The following TPTE variants were observed in gnomAD, a reference collection of about 807,000 sequenced individuals.
The protein encoded by TPTE is putative tyrosine-protein phosphatase TPTE.
In TPTE, 59 loss-of-function variants were observed where a neutral mutation model predicts 84.1. That is an observed-to-expected ratio of 0.70 (90% CI 0.57 to 0.87). The LOEUF (loss-of-function observed/expected upper bound fraction) is 0.87, where lower values mean the gene tolerates loss of function less well. Among genes scored for constraint, TPTE ranks in the 40% least tolerant of loss-of-function variants. The pLI, the probability that TPTE is intolerant of heterozygous loss-of-function variation, is 0.00. For synonymous variants in TPTE, 130 were observed against 223.5 expected (o/e 0.58, Z 3.73); for missense variants, 382 against 659.6 (o/e 0.58, Z 4.61).
intron 4 of TPTE, chr21:10,540,729 A>G (rs1423259014): frequency 5.8e-6 from 3 of 519,746 alleles, no homozygotes; most frequent in African/African-American, 3.8e-5. Context: ...AGGAGAGACA[A>G]CTAGGATGGG....
At chr21:10,597,925 T>C in intron 20 of TPTE, 90 bp from the exon 21 acceptor site, 1 of 1,502,676 alleles carries the variant, frequency 6.7e-7, no homozygotes, top group East Asian at 2.3e-5. Flanking sequence ...GGATAATTTT[T>C]TCTCATTTTA....
chr21:10,564,527 AAAC>A (rs1184053096), intron 10 of TPTE, among the ~76,000 whole-genome samples: 3 of 152,266 alleles, frequency 2.0e-5, no homozygotes, highest in African/African-American at 7.2e-5. Flanking sequence ...ATAAAAATAA[AAAC>A]AAACCCAAAA....
At chr21:10,533,278 T>C (rs1385230859) in intron 3 of TPTE, among the ~76,000 whole-genome samples, 4 of 152,310 alleles carry the variant, frequency 2.6e-5, no homozygotes, top group Non-Finnish European at 5.9e-5. Flanking sequence ...CTTTTACAGT[T>C]AAGGCTTTCT....
chr21:10,533,685 C>A (rs1371315093), intron 3 of TPTE, among the ~76,000 whole-genome samples: 3 of 152,306 alleles, frequency 2.0e-5, no homozygotes, highest in Non-Finnish European at 4.4e-5. Flanking sequence ...AGGACGTAAG[C>A]TGTGTCATTG....
Position 10,605,648 on chromosome 21 carries a change from A to C in TPTE, c.*96A>C. ...TAAATCTATCCTAAATGTTCCTTGA[A>C]GTATTTATTTATGTTTATATATGTT... On this transcript the variant is annotated 3_prime_UTR_variant, in exon 24 of 24. Coordinates refer to ENST00000618007, the MANE Select transcript of TPTE (RefSeq NM_199261.4). The C allele has an allele frequency of 2.5e-6, 4 of 1,577,132 alleles. No homozygotes were observed. The Admixed American group carries it at 5.7e-5, about 23-fold the overall frequency.
chr21:10,593,673 A>G (rs941080514), intron 19 of TPTE, among the ~76,000 whole-genome samples: 5 of 152,310 alleles, frequency 3.3e-5, no homozygotes, highest in Non-Finnish European at 5.9e-5. Flanking sequence ...AGGTTTAGAG[A>G]AAGTAACCTT....
At chr21:10,547,689 C>G (rs1434939318) in intron 7 of TPTE, among the ~76,000 whole-genome samples, 2 of 152,308 alleles carry the variant, frequency 1.3e-5, no homozygotes, top group African/African-American at 4.8e-5. Context: ...GCCACTGTGC[C>G]TCTCCAGCAC....
intron 1 of TPTE, 26 bp from the exon 2 acceptor site, chr21:10,524,554 A>G (rs1389464586): frequency 6.6e-6 from 1 of 152,466 alleles, no homozygotes; most frequent in African/African-American, 2.4e-5. Flanking sequence ...TGCTAACAGG[A>G]TCTTGATTAA....
In TPTE at chr21:10,560,904, G is replaced by A. The variant is rs1472710866; in HGVS notation, c.285-126G>A. On this transcript the variant is annotated intron_variant, in intron 9 of 23. Coordinates refer to ENST00000618007, the MANE Select transcript of TPTE (RefSeq NM_199261.4). ...GGCATTACAGTTTTTCCTGCCACTG[G>A]GCAGCTTAATACTAAATAATAACAT... The A allele has an allele frequency of 1.1e-5, 13 of 1,194,880 alleles. No homozygotes were observed. In the East Asian group the frequency reaches 2.7e-4, roughly 25 times the overall value. The allele number at this position is 1,194,880 out of a possible 1,614,324, so 74.0% of individuals were successfully genotyped here. A position where few individuals can be genotyped will look rare whatever the true frequency, so the allele number is the denominator to read the frequency against.
intron 14 of TPTE, among the ~76,000 whole-genome samples, chr21:10,573,862 A>G (rs1291287045): frequency 6.6e-6 from 1 of 152,312 alleles, no homozygotes; most frequent in Non-Finnish European, 1.5e-5. Flanking sequence ...GAGTCCGAGG[A>G]GCGGCAACAA....
rs1173422328 is a variant in TPTE at position 10,562,711 on chromosome 21, T to C, written c.446+1520T>C. On this transcript the variant is annotated intron_variant, in intron 10 of 23. Coordinates refer to ENST00000618007, the MANE Select transcript of TPTE (RefSeq NM_199261.4). ...AGCTTGAAGACAGGCTATTTCAAAA[T>C]ACATAGAGGAGACAAAGGAAAGAAT... Among the ~76,000 whole-genome samples, 5 of 152,414 alleles carry C rather than the reference T, an allele frequency of 3.3e-5. No homozygotes were observed. The East Asian group carries it at 9.6e-4, about 29-fold the overall frequency.
intron 17 of TPTE, among the ~76,000 whole-genome samples, chr21:10,580,105 A>G (rs2075244625): frequency 6.6e-6 from 1 of 152,312 alleles, no homozygotes; most frequent in Non-Finnish European, 1.5e-5. Flanking sequence ...CTGATGATTA[A>G]TGATGTTTAG....
At chr21:10,601,199 C>T (rs1041590381) in intron 21 of TPTE, among the ~76,000 whole-genome samples, 54 of 152,318 alleles carry the variant, frequency 3.5e-4, no homozygotes, top group South Asian at 1.2e-3. Flanking sequence ...TTTAAAAGTG[C>T]GGCACTTTTG....
intron 7 of TPTE, among the ~76,000 whole-genome samples, chr21:10,552,178 C>T (rs1477911286): frequency 6.6e-4 from 100 of 152,394 alleles, no homozygotes; most frequent in African/African-American, 2.3e-3. Flanking sequence ...ATAAGTTTTT[C>T]GAACATAATG....
At chr21:10,563,499 TAAA>T (rs1159882509) in intron 10 of TPTE, among the ~76,000 whole-genome samples, 37 of 152,410 alleles carry the variant, frequency 2.4e-4, no homozygotes, top group African/African-American at 8.7e-4. Context: ...AACAAAAAGT[TAAA>T]AAATAGGGAG....
chr21:10,603,503 T>C lies in TPTE; in HGVS notation c.1450-59T>C, dbSNP rs534832238. 55 of 1,502,280 alleles carry C rather than the reference T, an allele frequency of 3.7e-5. No individual in the cohort carries two copies. The East Asian group carries it at 1.0e-3, about 27-fold the overall frequency. The allele number at this position is 1,502,280 out of a possible 1,614,324, so 93.1% of individuals were successfully genotyped here. ...AAGAATAAAGAAAGGAACTTCAATTTCTTTGGAATGATTAGTTCTTGGTAT... is the reference window on the plus strand; with the variant it reads ...AAGAATAAAGAAAGGAACTTCAATTCCTTTGGAATGATTAGTTCTTGGTAT... On this transcript the variant is annotated intron_variant, in intron 22 of 23. Coordinates refer to ENST00000618007, the MANE Select transcript of TPTE (RefSeq NM_199261.4).
chr21:10,540,032 A>G (rs1202268567), intron 4 of TPTE, among the ~76,000 whole-genome samples: 2 of 152,274 alleles, frequency 1.3e-5, no homozygotes, highest in South Asian at 4.1e-4. Context: ...CAACAACAAC[A>G]AACAAAAACA....
Position 10,573,671 on chromosome 21 carries a change from C to T in TPTE, c.795+3122C>T, listed in dbSNP as rs201962441. Reference sequence around the variant, plus strand: ...ATTGTATACAAGTATTGAGATATCCCTCTCTACCTTATAAATATGAACAAG... The same window carrying T: ...ATTGTATACAAGTATTGAGATATCCTTCTCTACCTTATAAATATGAACAAG... On this transcript the variant is annotated intron_variant, in intron 14 of 23. Transcript: ENST00000618007. 2.6e-5 allele frequency among the ~76,000 whole-genome samples: 4 copies of T among 152,416 alleles called. No homozygotes were observed. The East Asian group carries it at 7.7e-4, about 29-fold the overall frequency.
intron 10 of TPTE, among the ~76,000 whole-genome samples, chr21:10,563,478 TAAATAG>T (rs1227283802): frequency 6.7e-6 from 1 of 149,966 alleles, no homozygotes; most frequent in Non-Finnish European, 1.5e-5. Context: ...TAATAAGATA[TAAATAG>T]AAATAACAAA....
Sources: allele counts gnomAD v4.1 joint callset (sites outside exome capture counted in the v4.1 genomes callset), GRCh38; gene constraint gnomAD v4.1.1; transcripts MANE v1.5; gene names NCBI Gene and HGNC (gene_info 2026-07-23, HGNC 2026-07-21).